CHODL: variants seen among roughly 807,000 people sequenced by gnomAD.
CHODL encodes the protein chondrolectin, also known as transmembrane protein MT75.
Under a neutral mutation model 34.5 loss-of-function variants are expected in CHODL, and 29 were observed. That is an observed-to-expected ratio of 0.84 (90% confidence interval 0.63 to 1.15). The LOEUF is 1.15. Among genes scored for constraint, CHODL ranks in the 50% most tolerant of loss-of-function variants. The pLI is 0.00. For missense variants in CHODL, 332 were observed against 332.5 expected (o/e 1.00, Z 0.01); for synonymous variants, 125 against 116.1 (o/e 1.08, Z -0.49).
In CHODL at chr21:18,245,054, C is replaced by T. The variant is rs2074120491; in HGVS notation, c.-170C>T. 2 of 526,972 alleles carry T rather than the reference C, an allele frequency of 3.8e-6. No individual in the cohort carries two copies. The highest frequency in any genetic ancestry group is 3.6e-5 in the East Asian group (1 of 27,646). 32.6% of individuals were successfully genotyped at this position (526,972 alleles called of 1,614,324 possible). A position where few individuals can be genotyped will look rare whatever the true frequency, so the allele number is the denominator to read the frequency against. ...CGCGCGGCACAGGCGCGGCAGGCGG[C>T]AGGTCCCGGCCGAAGGCGATGCGCG... On this transcript the variant is annotated 5_prime_UTR_variant, in exon 1 of 6. Coordinates refer to ENST00000299295, the MANE Select transcript of CHODL (RefSeq NM_024944.3).
intron 1 of CHODL, among the ~76,000 whole-genome samples, chr21:17,976,504 G>A (rs2063664321): frequency 6.6e-6 from 1 of 152,038 alleles, no homozygotes; most frequent in Non-Finnish European, 1.5e-5. Flanking sequence ...ACAATGAGAA[G>A]TTGGCTAAGT....
At chr21:18,119,702 A>G (rs1180604811) in intron 2 of CHODL, among the ~76,000 whole-genome samples, 2 of 152,154 alleles carry the variant, frequency 1.3e-5, no homozygotes, top group East Asian at 1.9e-4. Flanking sequence ...TGGAGATTAT[A>G]TAATAGCAGT....
chr21:18,248,836 G>A (rs188575155), intron 1 of CHODL, among the ~76,000 whole-genome samples: 1,554 of 114,360 alleles, frequency 0.014, 41 homozygotes, highest in African/African-American at 0.056. Flanking sequence ...TATGTATATT[G>A]TATATGTATG....
intron 2 of CHODL, among the ~76,000 whole-genome samples, chr21:18,174,605 GT>G (rs749298653): frequency 2.0e-5 from 3 of 152,124 alleles, no homozygotes; most frequent in Non-Finnish European, 4.4e-5. Context: ...GAATGTATGA[GT>G]GTGCAAAAAA....
chr21:18,239,936 GAA>G (rs1017807998), upstream of CHODL, among the ~76,000 whole-genome samples: 45 of 152,072 alleles, frequency 3.0e-4, no homozygotes, highest in African/African-American at 9.6e-4. Context: ...AGAAGAGAAA[GAA>G]AGAGGGAGGG....
intron 2 of CHODL, among the ~76,000 whole-genome samples, chr21:18,175,634 A>G (rs984774508): frequency 6.6e-6 from 1 of 152,140 alleles, no homozygotes; most frequent in African/African-American, 2.4e-5. Flanking sequence ...CCCTCCTGGA[A>G]TTTATAATCA....
intron 2 of CHODL, among the ~76,000 whole-genome samples, chr21:18,031,974 C>T (rs2064253469): frequency 6.6e-6 from 1 of 152,066 alleles, no homozygotes; most frequent in Admixed American, 6.6e-5. Flanking sequence ...TTGGCACTGC[C>T]TGTGAATAGA....
chr21:18,248,683 T>TTATAC (rs2074179108), intron 1 of CHODL, among the ~76,000 whole-genome samples: 1 of 123,006 alleles, frequency 8.1e-6, no homozygotes, highest in African/African-American at 3.4e-5. Flanking sequence ...CATATATGTA[T>TTATAC]ATATTATATA....
chr21:18,248,589 T>C (rs2074173073), intron 1 of CHODL, among the ~76,000 whole-genome samples: 1 of 137,562 alleles, frequency 7.3e-6, no homozygotes, highest in Non-Finnish European at 1.5e-5. Flanking sequence ...GTATTTTATA[T>C]ATATATATAA....
At chr21:18,144,712 T>G (rs1568908723) in intron 2 of CHODL, among the ~76,000 whole-genome samples, 1 of 151,850 alleles carries the variant, frequency 6.6e-6, no homozygotes, top group African/African-American at 2.4e-5. Context: ...CTGGAGGTTA[T>G]AAAAAAAATC....
chr21:18,011,829 CTT>C (rs973315252), intron 1 of CHODL, among the ~76,000 whole-genome samples: 8 of 152,200 alleles, frequency 5.3e-5, no homozygotes, highest in Non-Finnish European at 1.5e-5. Context: ...CCAAGAGAGA[CTT>C]TGCAGACTCC....
intron 2 of CHODL, among the ~76,000 whole-genome samples, chr21:18,069,367 T>G (rs158004): frequency 0.36 from 54,614 of 151,834 alleles, 11,989 homozygotes; most frequent in Non-Finnish European, 0.51. Flanking sequence ...TTTATTGCTG[T>G]TTTTGCCTAT....
intron 2 of CHODL, among the ~76,000 whole-genome samples, chr21:18,127,701 T>TTTTTTTA (rs2072592150): frequency 1.6e-5 from 2 of 128,184 alleles, no homozygotes; most frequent in African/African-American, 5.8e-5. Context: ...TTTTTTTTTT[T>TTTTTTTA]AGCTTAAAAC....
At chr21:18,063,854 TTCTC>T (rs149770837) in intron 2 of CHODL, among the ~76,000 whole-genome samples, 132 of 152,150 alleles carry the variant, frequency 8.7e-4, no homozygotes, top group African/African-American at 3.0e-3. Context: ...TCTGCATCCT[TTCTC>T]TCACTCACTC....
At chr21:18,263,901 CTTT>C (rs34968795) in intron 5 of CHODL, among the ~76,000 whole-genome samples, 2 of 141,338 alleles carry the variant, frequency 1.4e-5, no homozygotes, top group East Asian at 2.1e-4. Context: ...CATTAATAAC[CTTT>C]TTTTTTTTTT....
At chr21:18,093,538 G>A (rs552209489) in intron 2 of CHODL, among the ~76,000 whole-genome samples, 1 of 152,212 alleles carries the variant, frequency 6.6e-6, no homozygotes, top group East Asian at 1.9e-4. Context: ...TTTTCAATAA[G>A]TAGACAGTAC....
intron 2 of CHODL, among the ~76,000 whole-genome samples, chr21:18,208,075 T>C (rs1204356286): frequency 6.6e-6 from 1 of 152,128 alleles, no homozygotes; most frequent in Non-Finnish European, 1.5e-5. Context: ...CTATCTCCTC[T>C]TTAAGGTGTA....
intron 2 of CHODL, among the ~76,000 whole-genome samples, chr21:18,119,343 T>G (rs1390404629): frequency 6.6e-6 from 1 of 152,000 alleles, no homozygotes; most frequent in Non-Finnish European, 1.5e-5. Flanking sequence ...AACTCCCCGT[T>G]TGCTTACCCT....
intron 2 of CHODL, among the ~76,000 whole-genome samples, chr21:18,218,585 G>A (rs890527323): frequency 1.3e-5 from 2 of 152,262 alleles, no homozygotes; most frequent in African/African-American, 4.8e-5. Flanking sequence ...TTAACATTGG[G>A]CTCCTCATTA....
Sources: gnomAD v4.1 joint callset for allele counts (sites outside exome capture counted in the v4.1 genomes callset) on GRCh38, gnomAD v4.1.1 for gene constraint, MANE v1.5 for transcripts, NCBI Gene and HGNC (gene_info 2026-07-23, HGNC 2026-07-21) for gene names.